The following RANBP2 variants were observed in gnomAD, a reference collection of about 807,000 sequenced individuals.
The protein encoded by RANBP2 is E3 SUMO-protein ligase RanBP2.
A neutral mutation model predicts 303.6 loss-of-function variants in RANBP2; 57 were observed. The ratio of observed to expected loss-of-function variants is 0.19; its 90% CI spans 0.15 to 0.23. The LOEUF is 0.23. RANBP2 is among the 10% of genes least tolerant of loss of function. The probability of loss-of-function intolerance (pLI) is 1.00; values close to 1 mark genes in which losing one functional copy is unlikely to be tolerated. For missense variants in RANBP2, 3,138 were observed against 3,780.8 expected, an observed-to-expected ratio of 0.83 and a Z score of 4.46; for synonymous variants, 1,167 against 1,301.5, an observed-to-expected ratio of 0.90 and a Z score of 2.23.
rs1269015984 is a variant in RANBP2 at position 108,785,318 on chromosome 2, C to G, written c.*1417C>G. The G allele has an allele frequency of 6.6e-6, 1 of 152,200 alleles. No homozygotes were observed. The highest frequency in any genetic ancestry group is 1.5e-5 in the Non-Finnish European group (1 of 68,044). 9.4% of individuals were successfully genotyped at this position (152,200 alleles called of 1,614,324 possible). ...CCTACTCCAAATGTATCAGTTCAGT[C>G]TTGAACCATGGATTACATATGTTTA... On this transcript the variant is annotated 3_prime_UTR_variant, in exon 29 of 29. Transcript: ENST00000283195.
At chr2:108,955,763 A>G in the RANBP2 span, among the ~76,000 whole-genome samples, 26 of 152,186 alleles carry the variant, frequency 1.7e-4, no homozygotes, top group Non-Finnish European at 2.8e-4. Flanking sequence ...GCGGTGGCTC[A>G]TGCCTGTAAT....
At chr2:109,243,768 C>A in the RANBP2 span, among the ~76,000 whole-genome samples, 23 of 152,108 alleles carry the variant, frequency 1.5e-4, no homozygotes, top group Admixed American at 1.5e-3. Context: ...AGTGGTTTTG[C>A]AATCCAGGAA....
chr2:109,270,302 C>T, the RANBP2 span, among the ~76,000 whole-genome samples: 1 of 152,200 alleles, frequency 6.6e-6, no homozygotes, highest in Non-Finnish European at 1.5e-5. Context: ...AGGTGGCAAG[C>T]AGCCCTGTTG....
the RANBP2 span, among the ~76,000 whole-genome samples, chr2:109,452,565 C>T: frequency 6.6e-5 from 10 of 152,170 alleles, no homozygotes; most frequent in African/African-American, 2.4e-4. Flanking sequence ...GGATACAGCT[C>T]CTGGGCGCCG....
At chr2:109,061,646 A>G in the RANBP2 span, among the ~76,000 whole-genome samples, 1 of 152,246 alleles carries the variant, frequency 6.6e-6, no homozygotes, top group South Asian at 2.1e-4. Context: ...TAATAAGTGC[A>G]ATAATAGAAA....
At chr2:108,795,947 TG>T in the RANBP2 span, among the ~76,000 whole-genome samples, 1 of 152,230 alleles carries the variant, frequency 6.6e-6, no homozygotes, top group African/African-American at 2.4e-5. Context: ...TAGGCAAGAT[TG>T]CAAGGATGTA....
chr2:108,846,586 A>G, the RANBP2 span: 6 of 590,682 alleles, frequency 1.0e-5, no homozygotes, highest in Non-Finnish European at 1.8e-5. Flanking sequence ...CTGAGGTAGG[A>G]GGATTGCTTG....
At chr2:109,634,440 C>A in the RANBP2 span, among the ~76,000 whole-genome samples, 5 of 152,134 alleles carry the variant, frequency 3.3e-5, no homozygotes, top group East Asian at 1.9e-4. Context: ...GGCCAGGAGG[C>A]CAGGGAATGA....
At chr2:109,655,197 G>T in the RANBP2 span, among the ~76,000 whole-genome samples, 1 of 152,072 alleles carries the variant, frequency 6.6e-6, no homozygotes, top group African/African-American at 2.4e-5. Flanking sequence ...CACTGCACCC[G>T]GCTGGTGATC....
chr2:109,449,352 G>T, the RANBP2 span: 1 of 1,608,106 alleles, frequency 6.2e-7, no homozygotes, highest in Non-Finnish European at 8.5e-7. Context: ...CCTCACATCA[G>T]CAGCATCAGC....
chr2:108,727,609 T>C (rs1453585603), intron 1 of RANBP2, among the ~76,000 whole-genome samples: 3 of 148,424 alleles, frequency 2.0e-5, no homozygotes, highest in Admixed American at 2.0e-4. Flanking sequence ...CAGCATTTTT[T>C]TTTTTTTTTT....
chr2:109,021,524 G>GA, the RANBP2 span, among the ~76,000 whole-genome samples: 8,611 of 120,082 alleles, frequency 0.072, 1,062 homozygotes, highest in African/African-American at 0.25. Flanking sequence ...CTCCGTCTCA[G>GA]AAAAAAAAAA....
At chr2:108,833,652 C>T in the RANBP2 span, among the ~76,000 whole-genome samples, 1 of 151,328 alleles carries the variant, frequency 6.6e-6, no homozygotes, top group Non-Finnish European at 1.5e-5. Context: ...GATACCAGTA[C>T]TTACATAATA....
the RANBP2 span, among the ~76,000 whole-genome samples, chr2:109,473,081 CA>C: frequency 6.6e-6 from 1 of 152,208 alleles, no homozygotes; most frequent in African/African-American, 2.4e-5. Context: ...ATGCGAGTCC[CA>C]AGAATCTAAA....
At chr2:109,013,447 A>C in the RANBP2 span, among the ~76,000 whole-genome samples, 1 of 152,248 alleles carries the variant, frequency 6.6e-6, no homozygotes, top group South Asian at 2.1e-4. Flanking sequence ...GCATCAGTGC[A>C]CTTGGGTTAC....
the RANBP2 span, among the ~76,000 whole-genome samples, chr2:109,015,135 A>G: frequency 1.6e-5 from 1 of 63,024 alleles, no homozygotes; most frequent in Non-Finnish European, 3.5e-5. Context: ...AAAAAAAAAA[A>G]AAAAAAAAAA....
chr2:108,737,950 G>A (rs1427303517), intron 6 of RANBP2, among the ~76,000 whole-genome samples: 14 of 151,734 alleles, frequency 9.2e-5, no homozygotes, highest in Non-Finnish European at 1.3e-4. Flanking sequence ...TCCTGACCTC[G>A]TGATCTGCCC....
chr2:109,546,243 A>G, the RANBP2 span: 174 of 1,534,890 alleles, frequency 1.1e-4, no homozygotes, highest in Non-Finnish European at 1.4e-4. Context: ...TGTAGCTGGA[A>G]ACAAAAGTGC....
At chr2:109,606,349 A>T in the RANBP2 span, among the ~76,000 whole-genome samples, 1 of 152,196 alleles carries the variant, frequency 6.6e-6, no homozygotes, top group Admixed American at 6.5e-5. Flanking sequence ...CGGGAGGCAG[A>T]GGTTGCAGTG....
Sources: allele counts gnomAD v4.1 joint callset (sites outside exome capture counted in the v4.1 genomes callset), GRCh38; gene constraint gnomAD v4.1.1; transcripts MANE v1.5; gene names NCBI Gene and HGNC (gene_info 2026-07-23, HGNC 2026-07-21).